Variants in RBFOX1 observed in about 807,000 individuals in gnomAD.
RBFOX1 encodes the protein RNA binding protein fox-1 homolog 1.
Under a neutral mutation model 57.7 loss-of-function variants are expected in RBFOX1, and 8 were observed. The ratio of observed to expected loss-of-function variants is 0.14; its 90% CI spans 0.08 to 0.25. RBFOX1 has a LOEUF of 0.25. RBFOX1 is among the 10% of genes least tolerant of loss of function. The probability of loss-of-function intolerance (pLI) is 1.00; values close to 1 mark genes in which losing one functional copy is unlikely to be tolerated. For missense variants in RBFOX1, 611 were observed against 548.5 expected (o/e 1.11, Z -1.14); for synonymous variants, 326 against 222.4 (o/e 1.47, Z -4.15).
At chr16:7,592,529 G>C (rs1023604728) in intron 7 of RBFOX1, among the ~76,000 whole-genome samples, 1 of 152,198 alleles carries the variant, frequency 6.6e-6, no homozygotes, top group Non-Finnish European at 1.5e-5. Flanking sequence ...CCAAAGGGCA[G>C]AAATGATACC....
At chr16:7,154,748 C>T (rs756983086) in intron 4 of RBFOX1, among the ~76,000 whole-genome samples, 17 of 145,824 alleles carry the variant, frequency 1.2e-4, no homozygotes, top group Non-Finnish European at 1.8e-4. Flanking sequence ...TTTGCATGTA[C>T]CACATGTTGT....
At chr16:7,690,040 C>G (rs1180662517) in intron 14 of RBFOX1, among the ~76,000 whole-genome samples, 4 of 152,080 alleles carry the variant, frequency 2.6e-5, no homozygotes, top group African/African-American at 9.7e-5. Context: ...TGATTCAACT[C>G]CCTTGAATCC....
chr16:5,434,529 G>A (rs2067856747), intron 1 of RBFOX1, among the ~76,000 whole-genome samples: 1 of 151,690 alleles, frequency 6.6e-6, no homozygotes, highest in South Asian at 2.1e-4. Context: ...TCCATGTTAA[G>A]CTGGTCTCAA....
intron 4 of RBFOX1, among the ~76,000 whole-genome samples, chr16:7,122,349 G>A (rs1218062049): frequency 6.6e-6 from 1 of 152,050 alleles, no homozygotes; most frequent in Non-Finnish European, 1.5e-5. Context: ...GACTTGAATA[G>A]TCACTTCACT....
intron 4 of RBFOX1, among the ~76,000 whole-genome samples, chr16:7,482,904 T>G (rs1036327895): frequency 5.3e-5 from 8 of 152,254 alleles, no homozygotes; most frequent in East Asian, 1.9e-4. Flanking sequence ...GGGCAGCTTT[T>G]GGCTGCAATT....
At chr16:5,899,127 A>C (rs2058242036) in intron 4 of RBFOX1, among the ~76,000 whole-genome samples, 1 of 140,964 alleles carries the variant, frequency 7.1e-6, no homozygotes, top group African/African-American at 2.7e-5. Context: ...CCCAGGAAAC[A>C]GAGCGAGACC....
intron 4 of RBFOX1, among the ~76,000 whole-genome samples, chr16:7,229,841 GGA>G (rs1441371272): frequency 1.8e-4 from 2 of 11,298 alleles, no homozygotes; most frequent in African/African-American, 8.7e-4. Context: ...AGGGAGGAAG[GGA>G]GAGAGAGGGA....
chr16:7,101,041 A>G (rs1483223684), intron 4 of RBFOX1, among the ~76,000 whole-genome samples: 3 of 152,240 alleles, frequency 2.0e-5, no homozygotes, highest in Admixed American at 2.0e-4. Flanking sequence ...GTACAAAGTT[A>G]CCTATATACA....
At chr16:7,140,189 T>TCTCC (rs1555505215) in intron 4 of RBFOX1, among the ~76,000 whole-genome samples, 2 of 144,424 alleles carry the variant, frequency 1.4e-5, no homozygotes, top group Non-Finnish European at 3.0e-5. Context: ...TCTCTCTCTC[T>TCTCC]CTCTCCCTCC....
chr16:7,010,125 T>G (rs1191404322), intron 3 of RBFOX1, among the ~76,000 whole-genome samples: 2 of 152,234 alleles, frequency 1.3e-5, no homozygotes, highest in Non-Finnish European at 2.9e-5. Context: ...TATTCTTTGC[T>G]GCAAAGCACG....
At chr16:6,179,259 A>T (rs1357874466) in intron 1 of RBFOX1, among the ~76,000 whole-genome samples, 5 of 152,128 alleles carry the variant, frequency 3.3e-5, no homozygotes, top group African/African-American at 1.2e-4. Context: ...CTCTGTGATG[A>T]TGATGTAGGC....
intron 1 of RBFOX1, among the ~76,000 whole-genome samples, chr16:5,386,760 C>T (rs560435): frequency 0.54 from 82,740 of 152,042 alleles, 22,935 homozygotes; most frequent in African/African-American, 0.6. Context: ...CTTCTAAGAA[C>T]GTACTTTGGG....
intron 4 of RBFOX1, among the ~76,000 whole-genome samples, chr16:7,218,114 C>A (rs1186246657): frequency 6.6e-6 from 1 of 151,486 alleles, no homozygotes; most frequent in Admixed American, 6.6e-5. Flanking sequence ...AGTAGAGCTC[C>A]CTCTGCAGAA....
At chr16:6,486,979 C>T (rs1241147245) in intron 2 of RBFOX1, among the ~76,000 whole-genome samples, 1 of 152,090 alleles carries the variant, frequency 6.6e-6, no homozygotes. Flanking sequence ...AAAGATAAAA[C>T]GCCTTTAAAA....
At chr16:5,380,734 G>A (rs565071336) in intron 1 of RBFOX1, among the ~76,000 whole-genome samples, 110 of 152,322 alleles carry the variant, frequency 7.2e-4, no homozygotes, top group African/African-American at 2.6e-3. Context: ...TCTAGTAAGG[G>A]ATGGAGGTGA....
At position 5,955,365 on chromosome 16, in the gene RBFOX1, A is replaced by AT. The variant is rs1168296302; in HGVS notation, c.351+88031dup. 1.5e-3 allele frequency among the ~76,000 whole-genome samples: 58 copies of AT among 39,276 alleles called. 6 individuals are homozygous for AT. The highest frequency in any genetic ancestry group is 4.5e-3 in the African/African-American group (49 of 10,888). 25.8% of individuals were successfully genotyped at this position (39,276 alleles called of 152,430 possible). Reference sequence around the variant, plus strand: ...ATAAAATAAAATAAATAAAAATAAAATAAAATAAAATAAAATAAAATAAAA... The same window carrying AT: ...ATAAAATAAAATAAATAAAAATAAAATTAAAATAAAATAAAATAAAATAAAA... On this transcript the variant is annotated intron_variant, in intron 4 of 19. Transcript: ENST00000641259.
chr16:6,844,873 C>A (rs914421692), intron 3 of RBFOX1, among the ~76,000 whole-genome samples: 1 of 152,080 alleles, frequency 6.6e-6, no homozygotes, highest in African/African-American at 2.4e-5. Context: ...TATTAGTAAC[C>A]ATTCTGACTG....
intron 3 of RBFOX1, among the ~76,000 whole-genome samples, chr16:6,764,700 G>A (rs1209069303): frequency 1.3e-5 from 2 of 152,158 alleles, no homozygotes; most frequent in Non-Finnish European, 2.9e-5. Flanking sequence ...ACTTTTGGAG[G>A]CTGAGGCGGG....
Position 7,300,954 on chromosome 16 carries a change from G to C in RBFOX1, c.28-217193G>C, listed in dbSNP as rs532589744. ...AATGCATATGAACCCATGTGATGTT[G>C]AATGTCTAGAATTTTTTTTTGTGGA... is the stretch of plus-strand genomic sequence containing the variant. On this transcript the variant is annotated intron_variant, in intron 4 of 15. Transcript: ENST00000550418. Among the ~76,000 whole-genome samples, 3 of 152,282 alleles carry C rather than the reference G, an allele frequency of 2.0e-5. No individual in the cohort carries two copies. In the South Asian group the frequency reaches 6.2e-4, roughly 32 times the overall value.
Sources: allele counts gnomAD v4.1 joint callset (sites outside exome capture counted in the v4.1 genomes callset), GRCh38; gene constraint gnomAD v4.1.1; transcripts MANE v1.5; gene names NCBI Gene and HGNC (gene_info 2026-07-23, HGNC 2026-07-21).